The following SIRT2 variants were observed in gnomAD, a reference collection of about 807,000 sequenced individuals.
SIRT2 encodes the protein NAD-dependent protein deacetylase sirtuin-2.
A neutral mutation model predicts 57.4 loss-of-function variants in SIRT2; 40 were observed. The ratio of observed to expected loss-of-function variants is 0.70; its 90% CI spans 0.54 to 0.91. SIRT2 has a LOEUF of 0.91. Ranked by LOEUF, SIRT2 falls within the 40% of genes least tolerant of loss-of-function variation. The pLI is 0.00. For synonymous variants in SIRT2, 161 were observed against 195.7 expected (o/e 0.82, Z 1.48); for missense variants, 439 against 510.4 (o/e 0.86, Z 1.35).
chr19:38,892,050 C>A, intron 4 of SIRT2: 1 of 377,428 alleles, frequency 2.6e-6, no homozygotes, highest in South Asian at 2.0e-5. Context: ...TAGTTGAGGA[C>A]TGCCAAGGGC....
Position 38,880,644 on chromosome 19 carries a change from G to C in SIRT2, c.876+41C>G, listed in dbSNP as rs1180114776. ...TCTGAGGAAAAGGGTGAGAGGGAAG[G>C]GGGAGCCTGTGACGACGGGGGCTTG... On this transcript the variant is annotated intron_variant, in intron 13 of 15. Transcript: ENST00000249396. The surrounding 1 kb of genome is among the most constrained non-coding windows in gnomAD (Gnocchi z 4.1). 1.4e-6 allele frequency: 2 copies of C among 1,450,930 alleles called. No homozygotes were observed. The highest frequency in any genetic ancestry group is 1.9e-6 in the Non-Finnish European group (2 of 1,068,724). 89.9% of individuals were successfully genotyped at this position (1,450,930 alleles called of 1,614,324 possible).
In SIRT2 at chr19:38,889,787, G is replaced by C. The variant is rs764704680; in HGVS notation, c.376-42C>G. 1.9e-6 allele frequency: 3 copies of C among 1,613,842 alleles called. No homozygotes were observed. In the African/African-American group the frequency reaches 4.0e-5, roughly 22 times the overall value. On this transcript the variant is annotated intron_variant, in intron 6 of 15. Coordinates refer to ENST00000249396, the MANE Select transcript of SIRT2 (RefSeq NM_012237.4). ...CAGAGGGCCAGATGCCCCAGGTAGC[G>C]TGAGGGTTGGAGCCAGGTGACCCCA...
At chr19:38,887,862 C>T (rs535521278) in intron 8 of SIRT2, among the ~76,000 whole-genome samples, 1 of 152,090 alleles carries the variant, frequency 6.6e-6, no homozygotes, top group South Asian at 2.1e-4. Context: ...CAGGTTCAAG[C>T]GATTCTCCTG....
chr19:38,879,782 G>A, intron 13 of SIRT2, 80 bp from the exon 14 acceptor site: 1 of 1,045,188 alleles, frequency 9.6e-7, no homozygotes, highest in Admixed American at 2.6e-5. Flanking sequence ...AGGTGGCCTG[G>A]GTTTGTATCC....
chr19:38,879,039 G>T lies in SIRT2; in HGVS notation c.*116C>A. On this transcript the variant is annotated 3_prime_UTR_variant, in exon 16 of 16. Transcript: ENST00000249396. ...CAGTTTTGGGGAGGGAGCTGTAAGA[G>T]ATTGGGGGATGTTCTGAGCTCCCCA... The T allele has an allele frequency of 8.7e-7, 1 of 1,143,882 alleles. No individual in the cohort carries two copies. The highest frequency in any genetic ancestry group is 1.2e-6 in the Non-Finnish European group (1 of 823,616). The allele number at this position is 1,143,882 out of a possible 1,614,324, so 70.9% of individuals were successfully genotyped here. A position where few individuals can be genotyped will look rare whatever the true frequency, so the allele number is the denominator to read the frequency against.
At chr19:38,879,383 G>C (rs1389705071) in intron 15 of SIRT2, 51 bp downstream of exon 15, 2 of 1,597,924 alleles carry the variant, frequency 1.3e-6, no homozygotes, top group Non-Finnish European at 1.7e-6. Context: ...GGGGTGGGGA[G>C]AGGGTCCAGG....
chr19:38,886,770 C>T (rs974529581), intron 8 of SIRT2, among the ~76,000 whole-genome samples: 10 of 151,244 alleles, frequency 6.6e-5, no homozygotes, highest in African/African-American at 2.2e-4. Context: ...TACAGGCACG[C>T]ACCACCACAC....
intron 4 of SIRT2, chr19:38,891,848 T>C (rs1307409126): frequency 2.1e-6 from 1 of 468,692 alleles, no homozygotes; most frequent in Non-Finnish European, 4.4e-6. Context: ...AGCCACTGCC[T>C]GTGTTGTCTT....
At chr19:38,899,377 C>T (rs1461168797) in intron 1 of SIRT2, 129 bp downstream of exon 1, 2 of 1,056,096 alleles carry the variant, frequency 1.9e-6, no homozygotes, top group Non-Finnish European at 2.8e-6. Flanking sequence ...AGCAACAGCC[C>T]TCAGAATCCC....
Position 38,880,956 on chromosome 19 carries a change from CCCGCCCCCAGCAGCAAACCTCCCTG to C in SIRT2, c.748-84_748-60del. Reference sequence around the variant, plus strand: ...CCCAGGCTGCGCCACCGCTCCCTCCCCCGCCCCCAGCAGCAAACCTCCCTGCCGCCCCCCATAGCTGGGGAGGTGA... The same window carrying C: ...CCCAGGCTGCGCCACCGCTCCCTCCCCCGCCCCCCATAGCTGGGGAGGTGA... On this transcript the variant is annotated intron_variant, in intron 11 of 15. Transcript: ENST00000249396. The surrounding 1 kb of genome is among the most constrained non-coding windows in gnomAD (Gnocchi z 4.1). 6.3e-7 allele frequency: 1 copy of C among 1,577,266 alleles called. No individual in the cohort carries two copies. Among genetic ancestry groups the C allele is most frequent in the Non-Finnish European group, 8.7e-7 (1 of 1,149,502 alleles).
chr19:38,890,553 G>A lies in SIRT2; in HGVS notation c.227-409C>T, dbSNP rs186866722. 9.6e-4 allele frequency: 206 copies of A among 213,930 alleles called. 2 individuals are homozygous for A. The highest frequency in any genetic ancestry group is 4.6e-3 in the African/African-American group (197 of 43,110). The allele number at this position is 213,930 out of a possible 1,614,324, so 13.3% of individuals were successfully genotyped here. A position where few individuals can be genotyped will look rare whatever the true frequency, so the allele number is the denominator to read the frequency against. Reference sequence around the variant, plus strand: ...TGAAAATACAAAATTAGCCAGGCGTGGTGGCACGTGCCTGTAATCTCAGCT... The same window carrying A: ...TGAAAATACAAAATTAGCCAGGCGTAGTGGCACGTGCCTGTAATCTCAGCT... On this transcript the variant is annotated intron_variant, in intron 4 of 15. Transcript: ENST00000249396.
intron 4 of SIRT2, chr19:38,890,465 C>T (rs909793036): frequency 2.5e-5 from 9 of 354,006 alleles, no homozygotes; most frequent in Admixed American, 4.3e-5. Flanking sequence ...CTGAGGCAGG[C>T]GGGTCATCTG....
chr19:38,895,016 C>T (rs1325216784), intron 2 of SIRT2: 3 of 440,986 alleles, frequency 6.8e-6, no homozygotes, highest in Non-Finnish European at 1.4e-5. Flanking sequence ...CAGGCCTCAT[C>T]TCAATGCGAT....
At position 38,897,627 on chromosome 19, in the gene SIRT2, A is replaced by G. The variant is rs116426655; in HGVS notation, c.63+752T>C. Among the ~76,000 whole-genome samples, 617 of 152,028 alleles carry G rather than the reference A, an allele frequency of 4.1e-3. 5 individuals are homozygous for G. The highest frequency in any genetic ancestry group is 0.014 in the African/African-American group (580 of 41,466). ...GGCCTTAACCTCCTGGGCTTAAGCA[A>G]TCCTCCCCCAACTCAGCCTCCTGAG... On this transcript the variant is annotated intron_variant, in intron 2 of 15. Coordinates refer to ENST00000249396, the MANE Select transcript of SIRT2 (RefSeq NM_012237.4).
At chr19:38,897,223 G>A (rs1038205554) in intron 2 of SIRT2, among the ~76,000 whole-genome samples, 3 of 152,174 alleles carry the variant, frequency 2.0e-5, no homozygotes, top group Non-Finnish European at 4.4e-5. Flanking sequence ...TTAGTAAGCC[G>A]TCAGTAAATG....
intron 2 of SIRT2, among the ~76,000 whole-genome samples, chr19:38,895,732 T>A (rs972341235): frequency 1.3e-5 from 2 of 148,950 alleles, no homozygotes; most frequent in Admixed American, 1.3e-4. Context: ...ATGCCAGGAG[T>A]TCAAGACCAG....
In SIRT2 at chr19:38,879,816, T is replaced by TG. The variant is rs1049061579; in HGVS notation, c.877-115_877-114insC. ...CCTAGCTCTGTGACTTTGTTTTTTT[T>TG]TTGTTGTTGTTTTTTTGGTTTTTTT... On this transcript the variant is annotated intron_variant, in intron 13 of 15. Transcript: ENST00000249396. 16 of 745,484 alleles carry TG rather than the reference T, an allele frequency of 2.1e-5. No homozygotes were observed. The African/African-American group carries it at 2.3e-4, about 11-fold the overall frequency. 46.2% of individuals were successfully genotyped at this position (745,484 alleles called of 1,614,324 possible). A position where few individuals can be genotyped will look rare whatever the true frequency, so the allele number is the denominator to read the frequency against.
chr19:38,881,507 G>A lies in SIRT2; in HGVS notation c.632-16C>T, dbSNP rs202130078. On this transcript the variant is annotated splice_polypyrimidine_tract_variant and intron_variant, in intron 9 of 15. Transcript: ENST00000249396. ...AAGATCTTCTCTGGGTATGGGGAAG[G>A]GGAAGAAAGAGAAGGCAGTAAGAGG... 4.3e-5 allele frequency: 69 copies of A among 1,611,574 alleles called. 1 individual carries two copies. In the African/African-American group the frequency reaches 8.5e-4, roughly 20 times the overall value.
At chr19:38,890,587 G>T in intron 4 of SIRT2, 1 of 184,468 alleles carries the variant, frequency 5.4e-6, no homozygotes, top group Non-Finnish European at 1.2e-5. Context: ...CTACTTGGGA[G>T]GCTGAGGCAG....
Sources: gnomAD v4.1 joint callset for allele counts (sites outside exome capture counted in the v4.1 genomes callset) on GRCh38, gnomAD v4.1.1 for gene constraint, Gnocchi (gnomAD v3.1) non-coding constraint, MANE v1.5 for transcripts, NCBI Gene and HGNC (gene_info 2026-07-23, HGNC 2026-07-21) for gene names.